The following SLC24A2 variants were observed in gnomAD, a reference collection of about 807,000 sequenced individuals.
SLC24A2 encodes sodium/potassium/calcium exchanger 2.
A neutral mutation model predicts 62.0 loss-of-function variants in SLC24A2; 36 were observed. The ratio of observed to expected loss-of-function variants is 0.58; its 90% CI spans 0.44 to 0.77. The LOEUF (loss-of-function observed/expected upper bound fraction) is 0.77, where lower values mean the gene tolerates loss of function less well. Among genes scored for constraint, SLC24A2 ranks in the 30% least tolerant of loss-of-function variants. The probability of loss-of-function intolerance (pLI) is 0.00; values close to 1 mark genes in which losing one functional copy is unlikely to be tolerated. For missense variants in SLC24A2, 846 were observed against 817.9 expected, an observed-to-expected ratio of 1.03 and a Z score of -0.42; for synonymous variants, 358 against 294.0, an observed-to-expected ratio of 1.22 and a Z score of -2.23.
chr9:19,938,100 A>G, the SLC24A2 span, among the ~76,000 whole-genome samples: 18 of 152,182 alleles, frequency 1.2e-4, no homozygotes, highest in Admixed American at 8.5e-4. Context: ...AATATTTTAT[A>G]GTACTCTTAT....
intron 2 of SLC24A2, among the ~76,000 whole-genome samples, chr9:19,777,158 T>C (rs190355649): frequency 1.3e-5 from 2 of 152,354 alleles, no homozygotes; most frequent in Admixed American, 1.3e-4. Flanking sequence ...AAGAGATCTT[T>C]GTGTGAGTCA....
chr9:19,552,266 T>C (rs942763425), intron 7 of SLC24A2, among the ~76,000 whole-genome samples: 1 of 152,170 alleles, frequency 6.6e-6, no homozygotes, highest in African/African-American at 2.4e-5. Context: ...GTAGAGAATA[T>C]CATTCCCTAT....
the SLC24A2 span, among the ~76,000 whole-genome samples, chr9:20,153,391 T>C: frequency 1.3e-5 from 2 of 151,818 alleles, no homozygotes. Context: ...GGTAAAAGCA[T>C]AAGAGAAAAA....
At chr9:20,112,257 A>C in the SLC24A2 span, among the ~76,000 whole-genome samples, 5 of 152,308 alleles carry the variant, frequency 3.3e-5, no homozygotes, top group South Asian at 2.1e-4. Context: ...GTAAGAACAC[A>C]ATCCTCGATA....
the SLC24A2 span, among the ~76,000 whole-genome samples, chr9:20,100,196 T>TTTG: frequency 6.9e-6 from 1 of 145,720 alleles, no homozygotes; most frequent in Non-Finnish European, 1.5e-5. Flanking sequence ...GTGTGTGTGT[T>TTTG]TTTGTTTGTT....
At chr9:20,294,790 T>G in the SLC24A2 span, among the ~76,000 whole-genome samples, 2 of 152,084 alleles carry the variant, frequency 1.3e-5, no homozygotes, top group African/African-American at 4.8e-5. Context: ...CAAGTGCACG[T>G]TGGTGACAGA....
At chr9:20,146,692 C>A in the SLC24A2 span, among the ~76,000 whole-genome samples, 126 of 152,108 alleles carry the variant, frequency 8.3e-4, no homozygotes, top group African/African-American at 2.9e-3. Context: ...CTGAAAGACA[C>A]CCTGTCATCA....
the SLC24A2 span, among the ~76,000 whole-genome samples, chr9:20,158,122 A>G: frequency 2.6e-5 from 4 of 151,752 alleles, no homozygotes; most frequent in Non-Finnish European, 4.4e-5. Flanking sequence ...GAACTAAAAA[A>G]TGGATATGGA....
the SLC24A2 span, among the ~76,000 whole-genome samples, chr9:20,056,907 T>C: frequency 6.6e-6 from 1 of 152,252 alleles, no homozygotes; most frequent in African/African-American, 2.4e-5. Flanking sequence ...CTTTACACCA[T>C]TGCATTCTCT....
At chr9:20,161,483 A>G in the SLC24A2 span, among the ~76,000 whole-genome samples, 1 of 151,442 alleles carries the variant, frequency 6.6e-6, no homozygotes, top group African/African-American at 2.4e-5. Context: ...CCTAAATAAC[A>G]TATCAGCCAA....
At chr9:20,194,776 A>G in the SLC24A2 span, among the ~76,000 whole-genome samples, 1 of 152,020 alleles carries the variant, frequency 6.6e-6, no homozygotes, top group African/African-American at 2.4e-5. Context: ...TGATTATTAA[A>G]TGCAGAAAAA....
chr9:20,274,139 C>G, the SLC24A2 span, among the ~76,000 whole-genome samples: 1 of 152,164 alleles, frequency 6.6e-6, no homozygotes, highest in Non-Finnish European at 1.5e-5. Context: ...TCTCCTGACA[C>G]TTATATTCTA....
intron 5 of SLC24A2, among the ~76,000 whole-genome samples, chr9:19,579,856 G>A (rs1836150338): frequency 6.6e-6 from 1 of 152,194 alleles, no homozygotes; most frequent in Non-Finnish European, 1.5e-5. Context: ...AGCCTGGAAG[G>A]GGAGCCATGC....
chr9:19,584,407 C>T (rs907667575), intron 5 of SLC24A2, among the ~76,000 whole-genome samples: 2 of 152,042 alleles, frequency 1.3e-5, no homozygotes, highest in African/African-American at 2.4e-5. Flanking sequence ...AGTCCATAGC[C>T]TGAAGTGAGG....
chr9:20,082,154 G>A, the SLC24A2 span, among the ~76,000 whole-genome samples: 3 of 152,256 alleles, frequency 2.0e-5, no homozygotes, highest in East Asian at 3.9e-4. Context: ...ATTTTATTTG[G>A]TGATTACTTG....
the SLC24A2 span, among the ~76,000 whole-genome samples, chr9:20,101,557 G>C: frequency 6.6e-6 from 1 of 152,066 alleles, no homozygotes; most frequent in Non-Finnish European, 1.5e-5. Flanking sequence ...CTTCCTAAAG[G>C]CTGCCCCACC....
At chr9:19,534,515 A>G (rs1833863491) in intron 8 of SLC24A2, among the ~76,000 whole-genome samples, 1 of 148,416 alleles carries the variant, frequency 6.7e-6, no homozygotes, top group Admixed American at 6.7e-5. Flanking sequence ...CTAGCCCCCC[A>G]CCCCTTGACA....
the SLC24A2 span, among the ~76,000 whole-genome samples, chr9:20,163,827 G>C: frequency 2.0e-5 from 3 of 151,950 alleles, no homozygotes; most frequent in African/African-American, 7.3e-5. Context: ...AAGTAACGCC[G>C]CATATCTACA....
chr9:20,222,509 T>G, the SLC24A2 span, among the ~76,000 whole-genome samples: 1 of 152,120 alleles, frequency 6.6e-6, no homozygotes, highest in Non-Finnish European at 1.5e-5. Context: ...ATCCAACTAA[T>G]TTTATATCAA....
Sources: gnomAD v4.1 joint callset for allele counts (sites outside exome capture counted in the v4.1 genomes callset) on GRCh38, gnomAD v4.1.1 for gene constraint, MANE v1.5 for transcripts, NCBI Gene and HGNC (gene_info 2026-07-23, HGNC 2026-07-21) for gene names.